Variants in SLC38A12 observed in about 807,000 individuals in gnomAD.
SLC38A12 encodes the protein solute carrier family 38 member 12, also known as putative sodium-coupled neutral amino acid transporter 12.
the SLC38A12 span, among the ~76,000 whole-genome samples, chr17:74,785,133 C>T: frequency 1.3e-5 from 2 of 152,126 alleles, no homozygotes; most frequent in Non-Finnish European, 2.9e-5. Flanking sequence ...CCAGGTACCC[C>T]GCCTATGATG....
the SLC38A12 span, among the ~76,000 whole-genome samples, chr17:74,796,207 G>C: frequency 6.6e-6 from 1 of 152,292 alleles, no homozygotes; most frequent in Admixed American, 6.5e-5. Flanking sequence ...ATGCCAGACA[G>C]GTCCTGGATA....
the SLC38A12 span, among the ~76,000 whole-genome samples, chr17:74,810,880 C>T: frequency 0.013 from 2,044 of 152,350 alleles, 57 homozygotes; most frequent in African/African-American, 0.046. Context: ...CACAGGCTGC[C>T]GGCATGGTTT....
chr17:74,816,304 G>A, the SLC38A12 span, among the ~76,000 whole-genome samples: 1 of 152,222 alleles, frequency 6.6e-6, no homozygotes, highest in African/African-American at 2.4e-5. Context: ...TGTGATAGCA[G>A]CCCCAGGAAC....
the SLC38A12 span, among the ~76,000 whole-genome samples, chr17:74,827,595 C>T: frequency 2.0e-5 from 3 of 152,134 alleles, no homozygotes; most frequent in African/African-American, 7.2e-5. This position sits in a 1 kb window ranked among gnomAD's most constrained non-coding sequence, Gnocchi z 4.7. Flanking sequence ...CGTGCCCGGC[C>T]GCATCTGCAT....
the SLC38A12 span, among the ~76,000 whole-genome samples, chr17:74,816,723 G>A: frequency 2.6e-5 from 4 of 151,328 alleles, no homozygotes; most frequent in East Asian, 1.9e-4. Context: ...GCAGCGACTC[G>A]TGTCTCTGCC....
chr17:74,790,933 T>C, the SLC38A12 span: 9 of 1,613,036 alleles, frequency 5.6e-6, no homozygotes, highest in Non-Finnish European at 7.6e-6. Flanking sequence ...CACTTCCTCT[T>C]CCTTGTTCTT....
At chr17:74,801,375 G>C in the SLC38A12 span, among the ~76,000 whole-genome samples, 1 of 152,238 alleles carries the variant, frequency 6.6e-6, no homozygotes, top group Non-Finnish European at 1.5e-5. Flanking sequence ...AGCTGGACTC[G>C]GTGAGGCTTC....
the SLC38A12 span, chr17:74,777,712 G>A: frequency 1.1e-6 from 1 of 905,928 alleles, no homozygotes; most frequent in Non-Finnish European, 1.6e-6. Flanking sequence ...CTGAGGTCAG[G>A]AGTTCAAGAC....
the SLC38A12 span, chr17:74,777,164 CTG>C: frequency 1.4e-6 from 1 of 739,300 alleles, no homozygotes; most frequent in Non-Finnish European, 2.4e-6. Context: ...CCCTAAGTGT[CTG>C]TGATAAAAGA....
the SLC38A12 span, chr17:74,795,413 A>G: frequency 2.1e-6 from 2 of 930,368 alleles, no homozygotes; most frequent in South Asian, 3.3e-5. Context: ...GTGGTTTGTG[A>G]AAAGTCTGAT....
chr17:74,793,143 A>G, the SLC38A12 span, among the ~76,000 whole-genome samples: 19 of 152,318 alleles, frequency 1.2e-4, no homozygotes, highest in East Asian at 3.5e-3. Context: ...GTCTGAGACC[A>G]GCCTCACACT....
At chr17:74,819,873 C>A in the SLC38A12 span, 14 of 1,586,234 alleles carry the variant, frequency 8.8e-6, no homozygotes, top group Admixed American at 2.2e-4. Context: ...CGAGTCTCTG[C>A]GCTTTCTCCT....
chr17:74,834,673 G>A, the SLC38A12 span, among the ~76,000 whole-genome samples: 11 of 152,200 alleles, frequency 7.2e-5, no homozygotes, highest in Admixed American at 5.2e-4. Flanking sequence ...AGGAGCCACC[G>A]AGCTGTGAGC....
the SLC38A12 span, chr17:74,839,035 A>G: frequency 6.5e-7 from 1 of 1,535,736 alleles, no homozygotes; most frequent in Non-Finnish European, 8.7e-7. Context: ...CCCCCGGTGC[A>G]GGCCAGGTCA....
chr17:74,839,459 G>T, the SLC38A12 span: 2 of 246,536 alleles, frequency 8.1e-6, no homozygotes, highest in African/African-American at 2.2e-5. Flanking sequence ...CCATGGTTAA[G>T]GGCCACTGGA....
the SLC38A12 span, among the ~76,000 whole-genome samples, chr17:74,780,643 G>A: frequency 6.6e-6 from 1 of 152,098 alleles, no homozygotes; most frequent in Non-Finnish European, 1.5e-5. Context: ...CTGCCTCTAT[G>A]TCTGTTCATT....
At chr17:74,831,596 C>T in the SLC38A12 span, among the ~76,000 whole-genome samples, 1 of 152,192 alleles carries the variant, frequency 6.6e-6, no homozygotes, top group African/African-American at 2.4e-5. Flanking sequence ...CACTGCTGCT[C>T]TCCACCACTC....
At chr17:74,831,905 C>T in the SLC38A12 span, among the ~76,000 whole-genome samples, 5 of 152,246 alleles carry the variant, frequency 3.3e-5, no homozygotes, top group Non-Finnish European at 5.9e-5. Flanking sequence ...CTCCCCATCG[C>T]GCATCCTGGC....
the SLC38A12 span, among the ~76,000 whole-genome samples, chr17:74,806,989 A>C: frequency 1.3e-5 from 2 of 152,032 alleles, no homozygotes; most frequent in African/African-American, 4.8e-5. Flanking sequence ...GGGCAGTCTG[A>C]TTGCCATCTC....
Sources: allele counts gnomAD v4.1 joint callset (sites outside exome capture counted in the v4.1 genomes callset), GRCh38; gene constraint gnomAD v4.1.1; non-coding constraint Gnocchi (gnomAD v3.1); transcripts MANE v1.5; gene names NCBI Gene and HGNC (gene_info 2026-07-23, HGNC 2026-07-21).